The following TEP1 variants were observed in gnomAD, a reference collection of about 807,000 sequenced individuals.
The protein encoded by TEP1 is telomerase associated protein 1.
A neutral mutation model predicts 306.3 loss-of-function variants in TEP1; 241 were observed. The observed-to-expected ratio is 0.79, with a 90% CI of 0.71 to 0.88. TEP1 has a LOEUF of 0.88. Among genes scored for constraint, TEP1 ranks in the 40% least tolerant of loss-of-function variants. TEP1 has a pLI of 0.00. For synonymous variants in TEP1, 1,289 were observed against 1,305.5 expected (o/e 0.99, Z 0.27); for missense variants, 3,051 against 3,276.1 (o/e 0.93, Z 1.68).
rs746338095 is a variant in TEP1, at chr14:20,382,692, C to T, written c.4071G>A (p.Arg1357=). The T allele has an allele frequency of 6.2e-7, 1 of 1,614,064 alleles. No homozygotes were observed. Among genetic ancestry groups the T allele is most frequent in the Admixed American group, 1.7e-5 (1 of 60,020 alleles). Reference sequence around the variant, plus strand: ...GCAGGTAGAGCGGCCGGCCTGATTCCCGCTTCACCAGCAGCAGTCGCATCT... The same window carrying T: ...GCAGGTAGAGCGGCCGGCCTGATTCTCGCTTCACCAGCAGCAGTCGCATCT... ...NNQMRLLLVK[R]ESGRPLYLRL... The change falls in exon 28 of 55, where the codon CGG becomes CGA. Residue 1357 remains arginine, a synonymous_variant. Coordinates refer to ENST00000262715, the MANE Select transcript of TEP1 (RefSeq NM_007110.5).
chr14:20,405,415 C>T (rs1163208947), intron 4 of TEP1, 36 bp downstream of exon 4: 9 of 1,610,582 alleles, frequency 5.6e-6, no homozygotes, highest in Middle Eastern at 1.8e-4. Context: ...AGTCTACCAG[C>T]TTCACACCCC....
chr14:20,411,253 C>T (rs1042430347), intron 1 of TEP1, among the ~76,000 whole-genome samples: 1 of 152,182 alleles, frequency 6.6e-6, no homozygotes, highest in African/African-American at 2.4e-5. Flanking sequence ...ACTAACACCC[C>T]GATCTAACCC....
rs1211267785 is a variant in TEP1, at chr14:20,383,927, G to C, written c.3535-9C>G. 6.3e-7 allele frequency: 1 copy of C among 1,595,718 alleles called. No individual in the cohort carries two copies. The highest frequency in any genetic ancestry group is 8.5e-7 in the Non-Finnish European group (1 of 1,176,380). ...GCTGACACAAGAGATGCCTGCATGG[G>C]ACAGGAACAGAAAACATGGTCACAT... On this transcript the variant is annotated splice_polypyrimidine_tract_variant and intron_variant, in intron 24 of 54. Transcript: ENST00000262715.
At chr14:20,382,452 G>A in intron 28 of TEP1, 96 bp from the exon 29 acceptor site, 3 of 1,545,636 alleles carry the variant, frequency 1.9e-6, no homozygotes, top group Non-Finnish European at 2.6e-6. Context: ...ACAGTGTGGA[G>A]GAATGAAAAA....
chr14:20,377,698 G>A lies in TEP1; in HGVS notation c.5777C>T (p.Ser1926Phe). The change falls in exon 40 of 55, where the codon TCT becomes TTT. Residue 1926 changes from serine to phenylalanine, a missense_variant. By Grantham distance (155) the Ser-to-Phe change is radical. Around this residue, in one of 3 missense-constraint regions of TEP1, gnomAD observed 1,540 missense variants for 1,705.9 expected, o/e 0.90. Transcript: ENST00000262715. ...GRPRGHLGSL[S>F]LSPALSVALS... ...TGCCACAGAGAGGGCAGGAGAGAGA[G>A]AAAGGGAACCCAGGTGCCCACGGGG... 1 of 1,614,092 alleles carries A rather than the reference G, an allele frequency of 6.2e-7. No individual in the cohort carries two copies. Among genetic ancestry groups the A allele is most frequent in the Non-Finnish European group, 8.5e-7 (1 of 1,180,022 alleles).
intron 9 of TEP1, among the ~76,000 whole-genome samples, chr14:20,399,632 T>TAAAAAAAAAAA (rs71416944): frequency 2.5e-5 from 2 of 78,612 alleles, no homozygotes; most frequent in African/African-American, 1.2e-4. Context: ...CCCTGTTTCT[T>TAAAAAAAAAAA]AAAAAAAAAA....
chr14:20,377,795 C>T (rs746105647), intron 39 of TEP1, 42 bp from the exon 40 acceptor site: 45 of 1,605,804 alleles, frequency 2.8e-5, no homozygotes, highest in African/African-American at 2.0e-4. Flanking sequence ...ACCTCCACCA[C>T]GCGGTCCTCC....
chr14:20,395,878 C>T lies in TEP1; in HGVS notation c.1731G>A (p.Glu577=), dbSNP rs371964366. The change falls in exon 11 of 55, where the codon GAG becomes GAA. Residue 577 remains glutamate (E), a synonymous_variant. Transcript: ENST00000262715. The stretch of plus-strand genomic sequence containing the variant: ...GAATACCTTGATTTCTGAGTTGAGC[C>T]TCGAGGGCATCAATGGCATCATGGG... ...LNAHDAIDAL[E]AQLRNQALPF... is the part of the protein sequence containing the mutation. The T allele has an allele frequency of 3.1e-6, 5 of 1,613,810 alleles. No individual in the cohort carries two copies. The highest frequency in any genetic ancestry group is 4.2e-6 in the Non-Finnish European group (5 of 1,179,962).
chr14:20,384,305 C>A lies in TEP1; in HGVS notation c.3340-73G>T, dbSNP rs369002453. On this transcript the variant is annotated intron_variant, in intron 23 of 54. Transcript: ENST00000262715. ...CACTCCCAGGCTAAAACTCACAGAG[C>A]CCCCGCCAAGCTACTTCCTCCCCAG... is the stretch of plus-strand genomic sequence containing the variant. 1.6e-5 allele frequency: 25 copies of A among 1,608,012 alleles called. No homozygotes were observed. The African/African-American group carries it at 2.7e-4, about 17-fold the overall frequency.
rs1308469634 is a variant in TEP1, at chr14:20,378,148, A to G, written c.5597T>C (p.Val1866Ala). 3 of 1,613,828 alleles carry G rather than the reference A, an allele frequency of 1.9e-6. No individual in the cohort carries two copies. The African/African-American group carries it at 4.0e-5, about 22-fold the overall frequency. The change falls in exon 39 of 55, where the codon GTG becomes GCG. Residue 1866 changes from valine to alanine, a missense_variant. Transcript: ENST00000262715. Reference protein sequence around the residue: ...VVAVGRLDSMVELWAWREGAR... With the variant: ...VVAVGRLDSMAELWAWREGAR... The stretch of plus-strand genomic sequence containing the variant: ...CCCTTCTCGCCAGGCCCACAGCTCC[A>G]CCATACTGTCCAGCCGGCCCACAGC...
chr14:20,381,711 G>C lies in TEP1; in HGVS notation c.4425-25C>G. The C allele has an allele frequency of 6.4e-7, 1 of 1,571,312 alleles. No individual in the cohort carries two copies. Among genetic ancestry groups the C allele is most frequent in the East Asian group, 2.3e-5 (1 of 44,382 alleles). ...ACTGTCCTCGTGTGAGGAAGGGAGA[G>C]AGAAGAAGGAAGAGGCCTGTCAGTG... On this transcript the variant is annotated intron_variant, in intron 30 of 54. Transcript: ENST00000262715. The surrounding 1 kb of genome is among the most constrained non-coding windows in gnomAD (Gnocchi z 4.0).
chr14:20,375,868 T>A lies in TEP1; in HGVS notation c.6250A>T (p.Ser2084Cys). The change falls in exon 43 of 55, where the codon AGT becomes TGT. Residue 2084 changes from serine (S) to cysteine (C), a missense_variant and splice_region_variant. By Grantham distance (112) the Ser-to-Cys change is moderately radical. Around this residue, in one of 3 missense-constraint regions of TEP1, gnomAD observed 1,540 missense variants for 1,705.9 expected, o/e 0.90. Transcript: ENST00000262715. Reference protein sequence around the residue: ...GSLATGGRDRSLLCWDVRTPK... With the variant: ...GSLATGGRDRCLLCWDVRTPK... ...GTCCTCACGTCCCAGCAGAGGAGAC[T>A]CTGGATAGGCCCCAAGGAGAGGGAG... The A allele has an allele frequency of 6.2e-7, 1 of 1,607,744 alleles. No individual in the cohort carries two copies. The highest frequency in any genetic ancestry group is 8.5e-7 in the Non-Finnish European group (1 of 1,174,746).
chr14:20,380,409 A>G lies in TEP1; in HGVS notation c.4829T>C (p.Leu1610Pro). The G allele has an allele frequency of 1.2e-6, 2 of 1,614,200 alleles. No individual in the cohort carries two copies. The highest frequency in any genetic ancestry group is 1.7e-6 in the Non-Finnish European group (2 of 1,180,046). ...GCTGAGGATTGAAGCCTGCTGCCTC[A>G]GGAAGGTGCGAAACACTGCAACGTC... Reference protein sequence around the residue: ...EADVAVFRTFLRQQASILSQY... With the variant: ...EADVAVFRTFPRQQASILSQY... Residue 1610 changes from leucine (L) to proline (P), a missense_variant, in exon 34 of 55, where the codon CTG becomes CCG. This residue lies in a region of TEP1 where 1,540 missense variants were observed against 1,705.9 expected (regional missense o/e 0.90). Transcript: ENST00000262715.
chr14:20,372,615 A>G, intron 49 of TEP1, 118 bp downstream of exon 49: 2 of 1,454,736 alleles, frequency 1.4e-6, no homozygotes, highest in Non-Finnish European at 1.9e-6. Context: ...ATAATGTCCC[A>G]CTCAGTAACT....
At position 20,401,560 on chromosome 14, in the gene TEP1, C is replaced by A; in HGVS notation, c.1288G>T (p.Val430Leu). The A allele has an allele frequency of 6.2e-7, 1 of 1,614,214 alleles. No individual in the cohort carries two copies. The highest frequency in any genetic ancestry group is 8.5e-7 in the Non-Finnish European group (1 of 1,180,044). Residue 430 changes from valine (V) to leucine (L), a missense_variant, in exon 8 of 55, where the codon GTG becomes TTG. Physicochemically the swap from Val to Leu is conservative, Grantham distance 32. Coordinates refer to ENST00000262715, the MANE Select transcript of TEP1 (RefSeq NM_007110.5). ...CTTGGAGGATTCTTTTTCTCTGACACTGTATCACCGGCCTTCTCAAACTGT... is the reference window on the plus strand; with the variant it reads ...CTTGGAGGATTCTTTTTCTCTGACAATGTATCACCGGCCTTCTCAAACTGT... ...QRKFEKAGDT[V>L]SEKKNPPRFT... is the part of the protein sequence containing the mutation.
At chr14:20,375,985 G>C in intron 42 of TEP1, 117 bp from the exon 43 acceptor site, 1 of 1,480,514 alleles carries the variant, frequency 6.8e-7, no homozygotes, top group East Asian at 2.3e-5. Context: ...CAGGCAGACA[G>C]ATCTATACTA....
intron 45 of TEP1, 44 bp from the exon 46 acceptor site, chr14:20,373,627 G>A (rs748452682): frequency 2.5e-6 from 4 of 1,614,204 alleles, no homozygotes; most frequent in South Asian, 1.1e-5. Flanking sequence ...GACGGAGCAG[G>A]GGAGAAAAGA....
At chr14:20,406,197 C>T (rs370420548) in intron 3 of TEP1, 36 bp downstream of exon 3, 12 of 1,609,958 alleles carry the variant, frequency 7.5e-6, no homozygotes, top group Non-Finnish European at 1.0e-5. Flanking sequence ...CCCCTCCACA[C>T]CATTATTAAC....
chr14:20,390,381 G>A (rs1007534214), intron 15 of TEP1, among the ~76,000 whole-genome samples: 1 of 152,202 alleles, frequency 6.6e-6, no homozygotes, highest in Admixed American at 6.5e-5. Context: ...GTGTGCTCCT[G>A]AGCGTCTTTT....
Sources: gnomAD v4.1 joint callset for allele counts (sites outside exome capture counted in the v4.1 genomes callset) on GRCh38, gnomAD v4.1.1 for gene constraint, gnomAD v4.1.1 regional missense constraint, Gnocchi (gnomAD v3.1) non-coding constraint, MANE v1.5 for transcripts, NCBI Gene and HGNC (gene_info 2026-07-23, HGNC 2026-07-21) for gene names.